The following SPEN variants were observed in gnomAD, a reference collection of about 807,000 sequenced individuals.
SPEN encodes spen family transcriptional repressor.
Under a neutral mutation model 269.9 loss-of-function variants are expected in SPEN, and 18 were observed. That is an observed-to-expected ratio of 0.07 (90% CI 0.05 to 0.10). The LOEUF (loss-of-function observed/expected upper bound fraction) is 0.10. Among genes scored for constraint, SPEN ranks in the 10% least tolerant of loss-of-function variants. The pLI is 1.00. For synonymous variants in SPEN, 1,726 were observed against 1,765.7 expected (o/e 0.98, Z 0.56); for missense variants, 3,822 against 4,631.2 (o/e 0.83, Z 5.07).
At position 15,937,899 on chromosome 1, in the gene SPEN, C is replaced by G; in HGVS notation, c.10597C>G (p.Leu3533Val). 1 of 1,614,240 alleles carries G rather than the reference C, an allele frequency of 6.2e-7. No individual in the cohort carries two copies. Among genetic ancestry groups the G allele is most frequent in the Middle Eastern group, 1.6e-4 (1 of 6,062 alleles). Residue 3533 changes from leucine (L) to valine (V), a missense_variant, in exon 13 of 15, where the codon CTG becomes GTG. Coordinates refer to ENST00000375759, the MANE Select transcript of SPEN (RefSeq NM_015001.3). This position sits in a 1 kb window ranked among gnomAD's most constrained non-coding sequence, Gnocchi z 5.7. ...QLHFVSGNNV[L>V]AHRSLPLSEG... is the part of the protein sequence containing the mutation. ...CCACTTCGTCTCTGGCAACAACGTC[C>G]TGGCCCATCGGTCCCTGCCCCTTTC...
At chr1:15,927,189 G>A (rs2071175878) in intron 10 of SPEN, among the ~76,000 whole-genome samples, 1 of 152,214 alleles carries the variant, frequency 6.6e-6, no homozygotes, top group Non-Finnish European at 1.5e-5. Context: ...CACCAGACAG[G>A]TCCCTGTGGG....
In SPEN at chr1:15,929,003, G is replaced by T. The variant is rs1229346868; in HGVS notation, c.2763G>T (p.Gln921His). Residue 921 changes from glutamine to histidine, a missense_variant, in exon 11 of 15, where the codon CAG becomes CAT. Around this residue, in one of 16 missense-constraint regions of SPEN, gnomAD observed 572 missense variants for 582.6 expected, o/e 0.98. Transcript: ENST00000375759. This position sits in a 1 kb window ranked among gnomAD's most constrained non-coding sequence, Gnocchi z 5.8. ...SALDQKLQVS[Q>H]TEPAKSDLSK... ...TGGACCAGAAACTTCAGGTCTCTCA[G>T]ACGGAGCCTGCAAAATCTGACTTGT... 1 of 1,614,226 alleles carries T rather than the reference G, an allele frequency of 6.2e-7. No homozygotes were observed. The highest frequency in any genetic ancestry group is 8.5e-7 in the Non-Finnish European group (1 of 1,180,044).
At chr1:15,861,561 T>C (rs1179586824) in intron 1 of SPEN, among the ~76,000 whole-genome samples, 1 of 152,200 alleles carries the variant, frequency 6.6e-6, no homozygotes, top group Admixed American at 6.5e-5. Context: ...GAAGCTGATT[T>C]CCTTCTCAGC....
In SPEN at chr1:15,859,396, C is replaced by T. The variant is rs60452630; in HGVS notation, c.83+11246C>T. On this transcript the variant is annotated intron_variant, in intron 1 of 14. Coordinates refer to ENST00000375759, the MANE Select transcript of SPEN (RefSeq NM_015001.3). ...TTTTTGAGAGGGAGTCTTGCTCTGT[C>T]GCCCAGGCTGGAGTGCAGTGGCGGG... is the stretch of plus-strand genomic sequence containing the variant. Among the ~76,000 whole-genome samples, 971 of 126,376 alleles carry T rather than the reference C, an allele frequency of 7.7e-3. 24 individuals carry two copies. The highest frequency in any genetic ancestry group is 0.028 in the African/African-American group (899 of 32,590). 82.9% of individuals were successfully genotyped at this position (126,376 alleles called of 152,430 possible). A position where few individuals can be genotyped will look rare whatever the true frequency, so the allele number is the denominator to read the frequency against.
intron 10 of SPEN, among the ~76,000 whole-genome samples, chr1:15,926,040 T>G (rs2071162765): frequency 6.6e-6 from 1 of 152,184 alleles, no homozygotes. Context: ...TGAATCCAAT[T>G]AAACCAAATA....
chr1:15,855,980 G>A (rs2070382414), intron 1 of SPEN, among the ~76,000 whole-genome samples: 1 of 143,774 alleles, frequency 7.0e-6, no homozygotes, highest in South Asian at 2.2e-4. Flanking sequence ...GTGTGAAAAG[G>A]ATGCTAGAAC....
chr1:15,931,268 A>G lies in SPEN; in HGVS notation c.5028A>G (p.Pro1676=). 6.2e-7 allele frequency: 1 copy of G among 1,614,202 alleles called. No individual in the cohort carries two copies. The highest frequency in any genetic ancestry group is 8.5e-7 in the Non-Finnish European group (1 of 1,180,036). The change falls in exon 11 of 15, where the codon CCA becomes CCG. Residue 1676 remains proline, a synonymous_variant. Transcript: ENST00000375759. This position sits in a 1 kb window ranked among gnomAD's most constrained non-coding sequence, Gnocchi z 4.8. Reference sequence around the variant, plus strand: ...TAACAGAAGAGAAGACTGTGGAGCCAGCTACCGTCTCAGAAGAAGCAAAGC... The same window carrying G: ...TAACAGAAGAGAAGACTGTGGAGCCGGCTACCGTCTCAGAAGAAGCAAAGC... ...PLVTEEKTVE[P]ATVSEEAKPA...
rs770472402 is a variant in SPEN at position 15,928,483 on chromosome 1, C to T, written c.2243C>T (p.Pro748Leu). 3.5e-5 allele frequency: 57 copies of T among 1,613,874 alleles called. No homozygotes were observed. The highest frequency in any genetic ancestry group is 4.2e-5 in the Non-Finnish European group (50 of 1,180,010). ...TCTCCCTCTCAGGCAGAGAGGTTGC[C>T]GAGTGATTCTGAGAGGAGGCTTTAC... is the stretch of plus-strand genomic sequence containing the variant. ...GASPSQAERL[P>L]SDSERRLYSR... The change falls in exon 11 of 15, where the codon CCG becomes CTG. Residue 748 changes from proline (P) to leucine (L), a missense_variant. Coordinates refer to ENST00000375759, the MANE Select transcript of SPEN (RefSeq NM_015001.3). This position sits in a 1 kb window ranked among gnomAD's most constrained non-coding sequence, Gnocchi z 5.7.
intron 1 of SPEN, among the ~76,000 whole-genome samples, chr1:15,858,906 C>G (rs1000399015): frequency 6.6e-6 from 1 of 152,082 alleles, no homozygotes; most frequent in Non-Finnish European, 1.5e-5. Flanking sequence ...ACTGCGCTGC[C>G]GCACTCTACC....
At chr1:15,858,926 A>G (rs1195216231) in intron 1 of SPEN, among the ~76,000 whole-genome samples, 1 of 152,190 alleles carries the variant, frequency 6.6e-6, no homozygotes, top group Non-Finnish European at 1.5e-5. Context: ...CCTGGGCAAT[A>G]GAGAAAAACC....
intron 6 of SPEN, among the ~76,000 whole-genome samples, chr1:15,916,898 G>A (rs1372574320): frequency 1.3e-5 from 2 of 152,166 alleles, no homozygotes; most frequent in Non-Finnish European, 2.9e-5. Flanking sequence ...AGGGTGAGGT[G>A]GGCAGATCAC....
intron 3 of SPEN, among the ~76,000 whole-genome samples, chr1:15,897,603 C>T (rs956577596): frequency 1.9e-4 from 29 of 151,924 alleles, no homozygotes; most frequent in Non-Finnish European, 3.7e-4. Flanking sequence ...CTCAGGTGAT[C>T]CCCCCGCCTC....
At chr1:15,886,154 C>G (rs2070734489) in intron 3 of SPEN, among the ~76,000 whole-genome samples, 1 of 152,070 alleles carries the variant, frequency 6.6e-6, no homozygotes, top group African/African-American at 2.4e-5. Context: ...TAGGTGTTGT[C>G]AGCTGCAGGG....
At chr1:15,877,633 A>G (rs886130112) in intron 3 of SPEN, among the ~76,000 whole-genome samples, 1 of 152,036 alleles carries the variant, frequency 6.6e-6, no homozygotes, top group African/African-American at 2.4e-5. Context: ...TTAGCTTCAA[A>G]CCTAGTTATA....
intron 1 of SPEN, among the ~76,000 whole-genome samples, chr1:15,869,048 A>G (rs184383983): frequency 3.3e-5 from 5 of 152,202 alleles, no homozygotes; most frequent in Non-Finnish European, 7.4e-5. Context: ...CTTTTATTAA[A>G]TTAATTATTT....
Position 15,876,326 on chromosome 1 carries a change from A to C in SPEN, c.529A>C (p.Thr177Pro). 6.2e-7 allele frequency: 1 copy of C among 1,614,036 alleles called. No homozygotes were observed. Among genetic ancestry groups the C allele is most frequent in the Non-Finnish European group, 8.5e-7 (1 of 1,180,016 alleles). ...QDYYRDPRER[T>P]LQHGLYYASR... ...TTACTATAGAGATCCTCGAGAGCGG[A>C]CTTTACAACATGGGCTCTATTACGC... is the stretch of plus-strand genomic sequence containing the variant. The change falls in exon 3 of 15, where the codon ACT (threonine) becomes CCT (proline). Residue 177 changes from threonine (T) to proline (P), a missense_variant. Around this residue, in one of 16 missense-constraint regions of SPEN, gnomAD observed 327 missense variants for 350.8 expected, o/e 0.93. Transcript: ENST00000375759.
intron 3 of SPEN, among the ~76,000 whole-genome samples, chr1:15,894,301 C>T (rs1462991199): frequency 1.3e-5 from 2 of 152,074 alleles, no homozygotes; most frequent in African/African-American, 4.8e-5. Flanking sequence ...GGAAGGATTT[C>T]TTGTTCTTAG....
At chr1:15,866,400 C>G (rs2070509796) in intron 1 of SPEN, among the ~76,000 whole-genome samples, 1 of 152,154 alleles carries the variant, frequency 6.6e-6, no homozygotes, top group Admixed American at 6.6e-5. Context: ...GTTTCCCAGG[C>G]TGGAGTGCAG....
At chr1:15,919,560 C>G (rs771016972) in intron 8 of SPEN, 43 bp downstream of exon 8, 1 of 1,245,022 alleles carries the variant, frequency 8.0e-7, no homozygotes. Context: ...TTCTGACTCA[C>G]TCGTCTTGGT....
Sources: gnomAD v4.1 joint callset for allele counts (sites outside exome capture counted in the v4.1 genomes callset) on GRCh38, gnomAD v4.1.1 for gene constraint, gnomAD v4.1.1 regional missense constraint, Gnocchi (gnomAD v3.1) non-coding constraint, MANE v1.5 for transcripts, NCBI Gene and HGNC (gene_info 2026-07-23, HGNC 2026-07-21) for gene names.